Variants in STK33 observed in about 807,000 individuals in gnomAD.
STK33 encodes serine/threonine-protein kinase 33.
Under a neutral mutation model 58.0 loss-of-function variants are expected in STK33, and 52 were observed. The ratio of observed to expected loss-of-function variants is 0.90; its 90% confidence interval spans 0.72 to 1.13. STK33 has a LOEUF of 1.13. Among genes scored for constraint, STK33 ranks in the 50% most tolerant of loss-of-function variants. The probability of loss-of-function intolerance (pLI) is 0.00; values close to 1 mark genes in which losing one functional copy is unlikely to be tolerated. For synonymous variants in STK33, 215 were observed against 200.1 expected (o/e 1.07, Z -0.63); for missense variants, 630 against 604.2 (o/e 1.04, Z -0.45).
chr11:8,531,197 AC>A (rs1455778602), intron 1 of STK33, among the ~76,000 whole-genome samples: 2 of 152,084 alleles, frequency 1.3e-5, no homozygotes, highest in African/African-American at 4.8e-5. Context: ...TAAAATAAAT[AC>A]CCCCCAACTT....
chr11:8,527,504 G>T (rs554778897), intron 1 of STK33, among the ~76,000 whole-genome samples: 1 of 152,000 alleles, frequency 6.6e-6, no homozygotes, highest in South Asian at 2.1e-4. Context: ...GTATCCCAAG[G>T]TATTTCCCCA....
intron 5 of STK33, 152 bp from the exon 6 acceptor site, chr11:8,473,428 C>A: frequency 1.7e-6 from 1 of 593,228 alleles, no homozygotes; most frequent in Non-Finnish European, 2.9e-6. Flanking sequence ...AAATTCTAAG[C>A]CCTATGCAAT....
chr11:8,445,890 C>T (rs1253983057), intron 11 of STK33, among the ~76,000 whole-genome samples: 2 of 152,176 alleles, frequency 1.3e-5, no homozygotes, highest in East Asian at 3.8e-4. Context: ...TGATGCTGGC[C>T]TCATAAAATG....
intron 14 of STK33, among the ~76,000 whole-genome samples, chr11:8,417,236 C>G (rs1210934314): frequency 6.6e-6 from 1 of 152,144 alleles, no homozygotes; most frequent in Non-Finnish European, 1.5e-5. Context: ...CTGAAGCTAT[C>G]ACAGGTAGAG....
At chr11:8,531,974 A>G (rs766024491) in intron 1 of STK33, among the ~76,000 whole-genome samples, 4 of 152,252 alleles carry the variant, frequency 2.6e-5, no homozygotes, top group Non-Finnish European at 5.9e-5. Context: ...AAAAGTGATT[A>G]AAGATCAGCC....
chr11:8,487,631 T>C (rs1950283740), intron 1 of STK33, among the ~76,000 whole-genome samples: 1 of 151,996 alleles, frequency 6.6e-6, no homozygotes, highest in Non-Finnish European at 1.5e-5. Context: ...ACGGTGTCCA[T>C]AAAGGCAGCA....
chr11:8,394,292 C>A (rs1358355154), intron 15 of STK33, among the ~76,000 whole-genome samples: 1 of 152,160 alleles, frequency 6.6e-6, no homozygotes, highest in Admixed American at 6.5e-5. Flanking sequence ...CAGTGCTGGT[C>A]TCTAAGATAT....
chr11:8,473,672 A>G (rs1257070989), intron 5 of STK33, among the ~76,000 whole-genome samples: 2 of 152,246 alleles, frequency 1.3e-5, no homozygotes, highest in African/African-American at 2.4e-5. Flanking sequence ...ATATGCTTTG[A>G]GTGAAAATAA....
chr11:8,395,952 G>C (rs1251642115), intron 15 of STK33, among the ~76,000 whole-genome samples: 3 of 151,988 alleles, frequency 2.0e-5, no homozygotes, highest in Non-Finnish European at 1.5e-5. Context: ...TTTCAACTTG[G>C]TTTTAATACA....
chr11:8,464,574 G>T, intron 7 of STK33, 135 bp downstream of exon 7: 1 of 482,126 alleles, frequency 2.1e-6, no homozygotes, highest in Non-Finnish European at 3.6e-6. Context: ...GAAATGCCAC[G>T]CTTCTCTGGG....
At chr11:8,483,677 A>G (rs1323169164) in intron 1 of STK33, among the ~76,000 whole-genome samples, 2 of 152,204 alleles carry the variant, frequency 1.3e-5, no homozygotes, top group Non-Finnish European at 1.5e-5. Context: ...GTAAAGCTAA[A>G]GAGCATCAAG....
intron 6 of STK33, among the ~76,000 whole-genome samples, chr11:8,470,952 A>C (rs902159666): frequency 6.6e-6 from 1 of 152,242 alleles, no homozygotes; most frequent in Non-Finnish European, 1.5e-5. Context: ...AAAGGCACAA[A>C]ATGAGCACAT....
chr11:8,499,037 CTA>C (rs1300430910), intron 1 of STK33, among the ~76,000 whole-genome samples: 1 of 152,174 alleles, frequency 6.6e-6, no homozygotes, highest in African/African-American at 2.4e-5. Flanking sequence ...GAATTCATGA[CTA>C]AAACACCAAA....
At chr11:8,584,676 C>A (rs2031155526) in intron 1 of STK33, among the ~76,000 whole-genome samples, 1 of 152,130 alleles carries the variant, frequency 6.6e-6, no homozygotes. Flanking sequence ...AGCTCTCTCT[C>A]TACTAGGTCT....
chr11:8,491,170 T>C (rs976027630), intron 1 of STK33, among the ~76,000 whole-genome samples: 3 of 152,198 alleles, frequency 2.0e-5, no homozygotes, highest in Non-Finnish European at 4.4e-5. Flanking sequence ...TGTTTGAACC[T>C]ATCGCAAGGA....
chr11:8,496,958 A>AGG (rs1436254134), intron 1 of STK33, among the ~76,000 whole-genome samples: 44 of 152,284 alleles, frequency 2.9e-4, no homozygotes, highest in African/African-American at 1.1e-3. Context: ...TTTTAGAGGA[A>AGG]GCATTGATTT....
Position 8,440,653 on chromosome 11 carries a change from AG to A in STK33, c.947+24del, listed in dbSNP as rs1455382321. On this transcript the variant is annotated intron_variant, in intron 12 of 15. Coordinates refer to ENST00000687296, the MANE Select transcript of STK33 (RefSeq NM_001352389.2). ...GTTAGAAACTATCCACTCATCTTAAAGTGTACATTTAGCAGGCTACTTACAA... is the reference window on the plus strand; with the variant it reads ...GTTAGAAACTATCCACTCATCTTAAATGTACATTTAGCAGGCTACTTACAA... 3 of 1,543,150 alleles carry A rather than the reference AG, an allele frequency of 1.9e-6. No homozygotes were observed. In the African/African-American group the frequency reaches 4.1e-5, roughly 21 times the overall value.
At chr11:8,389,296 C>A (rs1848586430), downstream of STK33, among the ~76,000 whole-genome samples, 1 of 152,256 alleles carries the variant, frequency 6.6e-6, no homozygotes, top group Non-Finnish European at 1.5e-5. Flanking sequence ...AGCAGGGAGG[C>A]ACTCGGGAGT....
chr11:8,509,964 C>T (rs576400883), intron 1 of STK33, among the ~76,000 whole-genome samples: 5 of 152,274 alleles, frequency 3.3e-5, no homozygotes, highest in South Asian at 2.1e-4. Context: ...CTGCTATAAA[C>T]GTGTGTGCAT....
Sources: gnomAD v4.1 joint callset for allele counts (sites outside exome capture counted in the v4.1 genomes callset) on GRCh38, gnomAD v4.1.1 for gene constraint, MANE v1.5 for transcripts, NCBI Gene and HGNC (gene_info 2026-07-23, HGNC 2026-07-21) for gene names.